CRAMP1: variants seen among roughly 807,000 people sequenced by gnomAD.
CRAMP1 encodes cramped chromatin regulator 1.
In CRAMP1, 50 loss-of-function variants were observed where a neutral mutation model predicts 115.4. The observed-to-expected ratio is 0.43, with a 90% CI of 0.35 to 0.55. The LOEUF (loss-of-function observed/expected upper bound fraction) is 0.55. CRAMP1 is among the 20% of genes least tolerant of loss of function. The probability of loss-of-function intolerance (pLI) is 0.01; values close to 1 mark genes in which losing one functional copy is unlikely to be tolerated. For missense variants in CRAMP1, 1,679 were observed against 1,721.7 expected (o/e 0.98, Z 0.44); for synonymous variants, 866 against 745.4 (o/e 1.16, Z -2.64).
chr16:1,668,209 C>G lies in CRAMP1; in HGVS notation c.3334+16C>G, dbSNP rs747604339. 1.3e-6 allele frequency: 2 copies of G among 1,542,482 alleles called. No homozygotes were observed. Among genetic ancestry groups the G allele is most frequent in the South Asian group, 1.1e-5 (1 of 89,540 alleles). Reference sequence around the variant, plus strand: ...GGTCAGTACGGTAAGGGCAGGGCGGCCTCACAGCCCTTCCTGTCATCAGGT... The same window carrying G: ...GGTCAGTACGGTAAGGGCAGGGCGGGCTCACAGCCCTTCCTGTCATCAGGT... On this transcript the variant is annotated intron_variant, in intron 18 of 20. Transcript: ENST00000397412.
At chr16:1,655,384 A>T in intron 9 of CRAMP1, 84 bp downstream of exon 9, 1 of 1,083,356 alleles carries the variant, frequency 9.2e-7, no homozygotes, top group Non-Finnish European at 1.4e-6. Flanking sequence ...TGTGCCTGTC[A>T]TCGTCATGGT....
chr16:1,649,785 A>ATTTT (rs35942594), intron 6 of CRAMP1, among the ~76,000 whole-genome samples: 15 of 65,752 alleles, frequency 2.3e-4, no homozygotes, highest in Non-Finnish European at 2.4e-4. Flanking sequence ...ATGAGCCACT[A>ATTTT]TTTTTTTTTT....
chr16:1,667,851 T>G, intron 17 of CRAMP1, 111 bp from the exon 18 acceptor site: 1 of 677,576 alleles, frequency 1.5e-6, no homozygotes, highest in Non-Finnish European at 2.6e-6. Context: ...ACTGCAGCGC[T>G]CATCACCCTA....
At chr16:1,658,831 C>T (rs941036647) in intron 10 of CRAMP1, among the ~76,000 whole-genome samples, 8 of 152,058 alleles carry the variant, frequency 5.3e-5, no homozygotes, top group East Asian at 1.9e-4. Flanking sequence ...GCTGAGAGCA[C>T]GGGGTGGAGG....
At position 1,674,162 on chromosome 16, in the gene CRAMP1, G is replaced by A; in HGVS notation, c.*117G>A. ...CTCCGCACCCAAGACTGTGCAACGGGCAGGAACGTGGTCACAGAGCTGCTT... is the reference window on the plus strand; with the variant it reads ...CTCCGCACCCAAGACTGTGCAACGGACAGGAACGTGGTCACAGAGCTGCTT... On this transcript the variant is annotated 3_prime_UTR_variant, in exon 21 of 21. Coordinates refer to ENST00000397412, the MANE Select transcript of CRAMP1 (RefSeq NM_020825.4). 1 of 1,034,230 alleles carries A rather than the reference G, an allele frequency of 9.7e-7. No individual in the cohort carries two copies. The highest frequency in any genetic ancestry group is 1.6e-5 in the South Asian group (1 of 61,058). The allele number at this position is 1,034,230 out of a possible 1,614,324, so 64.1% of individuals were successfully genotyped here. A position where few individuals can be genotyped will look rare whatever the true frequency, so the allele number is the denominator to read the frequency against.
intron 6 of CRAMP1, chr16:1,647,097 A>G (rs1407040121): frequency 1.4e-6 from 1 of 702,704 alleles, no homozygotes; most frequent in Admixed American, 2.0e-5. Context: ...GTGGGAGGCT[A>G]CCCCTGGATT....
chr16:1,647,157 C>T (rs1421951673), intron 6 of CRAMP1: 3 of 659,576 alleles, frequency 4.5e-6, no homozygotes, highest in Admixed American at 2.5e-5. Context: ...CTCTACCTCT[C>T]ATGCAGACCT....
chr16:1,650,733 C>T (rs2036715489), intron 6 of CRAMP1, among the ~76,000 whole-genome samples: 1 of 152,214 alleles, frequency 6.6e-6, no homozygotes, highest in African/African-American at 2.4e-5. Flanking sequence ...AATTGAATAG[C>T]AACAGCAAAT....
chr16:1,667,364 G>C lies in CRAMP1; in HGVS notation c.3066G>C (p.Ser1022=), dbSNP rs778756988. 1.1e-5 allele frequency: 18 copies of C among 1,613,104 alleles called. No homozygotes were observed. The highest frequency in any genetic ancestry group is 1.7e-5 in the Admixed American group (1 of 60,000). ...GGSDPFVSIP[S]RPEQEPVADS... ...CCGACCCATTTGTCAGCATCCCTTC[G>C]AGGCCTGAGCAGGAGCCAGTGGCAG... Residue 1022 remains serine (S), a synonymous_variant, in exon 17 of 21, where the codon TCG becomes TCC. Transcript: ENST00000397412.
intron 10 of CRAMP1, 114 bp from the exon 11 acceptor site, chr16:1,659,772 A>G: frequency 2.9e-6 from 3 of 1,041,366 alleles, no homozygotes; most frequent in Non-Finnish European, 4.4e-6. Flanking sequence ...CTTTGCCGTC[A>G]TGACACTGTG....
chr16:1,673,471 C>T (rs2036939601), intron 20 of CRAMP1, among the ~76,000 whole-genome samples: 1 of 152,250 alleles, frequency 6.6e-6, no homozygotes, highest in Non-Finnish European at 1.5e-5. Flanking sequence ...CGCTCAGGTC[C>T]CAGTCCTTGG....
intron 8 of CRAMP1, among the ~76,000 whole-genome samples, chr16:1,654,580 C>T (rs1488345699): frequency 6.6e-6 from 1 of 152,222 alleles, no homozygotes; most frequent in African/African-American, 2.4e-5. Flanking sequence ...TGGCCACCGT[C>T]TCTGTCCAGC....
chr16:1,627,256 G>A (rs75191562), intron 3 of CRAMP1, among the ~76,000 whole-genome samples: 25,130 of 151,602 alleles, frequency 0.17, 2,685 homozygotes, highest in African/African-American at 0.29. Context: ...AGCAATTCTC[G>A]TGCCTCAGCC....
At position 1,641,212 on chromosome 16, in the gene CRAMP1, C is replaced by A. The variant is rs373258576; in HGVS notation, c.827+25C>A. ...GGTAAGTCCCAGTTTCCATGTGAAA[C>A]ATCACTTCTCTGGGTGTTTTGTGTT... On this transcript the variant is annotated intron_variant, in intron 6 of 20. Coordinates refer to ENST00000397412, the MANE Select transcript of CRAMP1 (RefSeq NM_020825.4). The A allele has an allele frequency of 8.4e-6, 13 of 1,550,856 alleles. No homozygotes were observed. The Admixed American group carries it at 1.8e-4, about 22-fold the overall frequency.
chr16:1,649,210 G>A (rs2036702209), intron 6 of CRAMP1, among the ~76,000 whole-genome samples: 1 of 152,194 alleles, frequency 6.6e-6, no homozygotes, highest in African/African-American at 2.4e-5. Flanking sequence ...TCTTTGGTCA[G>A]GCTTTCCAAG....
In CRAMP1 at chr16:1,666,419, C is replaced by T; in HGVS notation, c.2858-3C>T. ...AGATGTGCAGCGTCCTTTTTGTTGC[C>T]AGGTGCTATCGACTTAGCAGCTACA... On this transcript the variant is annotated splice_region_variant and splice_polypyrimidine_tract_variant and intron_variant, in intron 15 of 20. Transcript: ENST00000397412. This position sits in a 1 kb window ranked among gnomAD's most constrained non-coding sequence, Gnocchi z 5.0. The T allele has an allele frequency of 1.2e-6, 2 of 1,611,466 alleles. No individual in the cohort carries two copies. Among genetic ancestry groups the T allele is most frequent in the Non-Finnish European group, 1.7e-6 (2 of 1,178,694 alleles).
rs537223255 is a variant in CRAMP1, at chr16:1,669,210, G to A, written c.3499+45G>A. 267 of 1,460,548 alleles carry A rather than the reference G, an allele frequency of 1.8e-4. 6 individuals are homozygous for A. The South Asian group carries it at 3.4e-3, about 18-fold the overall frequency. The allele number at this position is 1,460,548 out of a possible 1,614,324, so 90.5% of individuals were successfully genotyped here. On this transcript the variant is annotated intron_variant, in intron 19 of 20. Transcript: ENST00000397412. This position sits in a 1 kb window ranked among gnomAD's most constrained non-coding sequence, Gnocchi z 4.6. ...TCCCATCTCCTTTTCCAGGGCAGCA[G>A]GGGCTGGGGTCTGCGGGACACTGGA...
rs1199628534 is a variant in CRAMP1, at chr16:1,669,434, G to C, written c.3499+269G>C. On this transcript the variant is annotated intron_variant, in intron 19 of 20. Transcript: ENST00000397412. This position sits in a 1 kb window ranked among gnomAD's most constrained non-coding sequence, Gnocchi z 4.6. ...CAATGGAGACCTAGAACATTCCCGT[G>C]ACCCCAGATGCTGGGTTCTGTGTGC... 6.6e-6 allele frequency among the ~76,000 whole-genome samples: 1 copy of C among 152,168 alleles called. No homozygotes were observed. The highest frequency in any genetic ancestry group is 1.5e-5 in the Non-Finnish European group (1 of 68,032).
intron 13 of CRAMP1, among the ~76,000 whole-genome samples, chr16:1,664,544 C>T (rs914570111): frequency 6.6e-6 from 1 of 152,022 alleles, no homozygotes; most frequent in Admixed American, 6.6e-5. Context: ...TTTGGGAGGC[C>T]GAGGCAGGTG....
Sources: gnomAD v4.1 joint callset for allele counts (sites outside exome capture counted in the v4.1 genomes callset) on GRCh38, gnomAD v4.1.1 for gene constraint, Gnocchi (gnomAD v3.1) non-coding constraint, MANE v1.5 for transcripts, NCBI Gene and HGNC (gene_info 2026-07-23, HGNC 2026-07-21) for gene names.